FSD1L: variants seen among roughly 807,000 people sequenced by gnomAD.
FSD1L encodes the protein fibronectin type III and SPRY domain containing 1 like.
A neutral mutation model predicts 71.6 loss-of-function variants in FSD1L; 45 were observed. The observed-to-expected ratio is 0.63, with a 90% CI of 0.49 to 0.81. The LOEUF (loss-of-function observed/expected upper bound fraction) is 0.81. Ranked by LOEUF, FSD1L falls within the 30% of genes least tolerant of loss-of-function variation. FSD1L has a pLI of 0.00. For synonymous variants in FSD1L, 197 were observed against 207.2 expected, an observed-to-expected ratio of 0.95 and a Z score of 0.42; for missense variants, 561 against 618.1, an observed-to-expected ratio of 0.91 and a Z score of 0.98.
upstream of FSD1L, among the ~76,000 whole-genome samples, chr9:105,445,808 C>G (rs1028535808): frequency 1.3e-5 from 2 of 152,152 alleles, no homozygotes; most frequent in Admixed American, 6.5e-5. Context: ...TGTTATTCCT[C>G]ACGGAGTTGG....
intron 5 of FSD1L, chr9:105,472,529 A>G (rs1409183638): frequency 6.6e-6 from 1 of 152,216 alleles, no homozygotes; most frequent in East Asian, 1.9e-4. Flanking sequence ...ATTTTGTCAA[A>G]TCAAAACTCA....
chr9:105,471,720 C>T (rs929602849), intron 4 of FSD1L, among the ~76,000 whole-genome samples, 184 bp from the exon 5 acceptor site: 5 of 105,740 alleles, frequency 4.7e-5, no homozygotes, highest in African/African-American at 2.0e-4. Flanking sequence ...AAAAATAACA[C>T]GTTTTATATA....
At chr9:105,523,735 A>G in intron 10 of FSD1L, 5 of 1,595,564 alleles carry the variant, frequency 3.1e-6, no homozygotes, top group Non-Finnish European at 4.3e-6. Context: ...AGAAGACAAG[A>G]TGTTTCTCCA....
At chr9:105,499,292 AAT>A (rs1209435021) in intron 7 of FSD1L, among the ~76,000 whole-genome samples, 2 of 152,248 alleles carry the variant, frequency 1.3e-5, no homozygotes, top group African/African-American at 4.8e-5. Context: ...CATTCAAATA[AAT>A]AGTTGCCCTT....
At chr9:105,493,848 TAG>T (rs1833142277) in intron 7 of FSD1L, among the ~76,000 whole-genome samples, 3 of 152,362 alleles carry the variant, frequency 2.0e-5, no homozygotes, top group African/African-American at 4.8e-5. Context: ...TTCTGGTTTG[TAG>T]AGTTTCTGCC....
chr9:105,469,906 G>A (rs1024609201), intron 4 of FSD1L, among the ~76,000 whole-genome samples: 11 of 152,136 alleles, frequency 7.2e-5, no homozygotes, highest in Non-Finnish European at 1.0e-4. Flanking sequence ...TTATGTTTAG[G>A]TCTTTAATCC....
chr9:105,519,474 T>G (rs1420981632), intron 10 of FSD1L, among the ~76,000 whole-genome samples: 1 of 152,150 alleles, frequency 6.6e-6, no homozygotes, highest in African/African-American at 2.4e-5. Flanking sequence ...GCTTCATCCT[T>G]AGGATGCAAG....
At chr9:105,467,954 A>G (rs1157826069) in intron 3 of FSD1L, among the ~76,000 whole-genome samples, 1 of 152,250 alleles carries the variant, frequency 6.6e-6, no homozygotes, top group African/African-American at 2.4e-5. Context: ...AGTATGGGCT[A>G]GTCCATAAAA....
Position 105,539,320 on chromosome 9 carries a change from A to T in FSD1L, c.1436A>T (p.Lys479Ile). 6.7e-7 allele frequency: 1 copy of T among 1,501,864 alleles called. No individual in the cohort carries two copies. Among genetic ancestry groups the T allele is most frequent in the Non-Finnish European group, 9.0e-7 (1 of 1,112,982 alleles). 93.0% of individuals were successfully genotyped at this position (1,501,864 alleles called of 1,614,324 possible). A position where few individuals can be genotyped will look rare whatever the true frequency, so the allele number is the denominator to read the frequency against. Residue 479 changes from lysine to isoleucine, a missense_variant, in exon 13 of 14, where the codon AAA becomes ATA. By Grantham distance (102) the Lys-to-Ile change is moderately radical. This residue lies in a region of FSD1L where 98 missense variants were observed against 102.3 expected (regional missense o/e 0.96). Transcript: ENST00000481272. ...CAGTTGCTATATTCCTTTAAGACAA[A>T]ATTTACTCAGCCAGTACTACCTGGT... ...SKQLLYSFKT[K>I]FTQPVLPGFM...
At chr9:105,466,522 A>G (rs1831084390) in intron 3 of FSD1L, among the ~76,000 whole-genome samples, 2 of 152,008 alleles carry the variant, frequency 1.3e-5, no homozygotes, top group African/African-American at 4.8e-5. Flanking sequence ...GTGAAACCCC[A>G]TCTCTACTAA....
rs550576039 is a variant in FSD1L, at chr9:105,523,995, T to C, written c.1026-10498T>C. 35 of 1,596,774 alleles carry C rather than the reference T, an allele frequency of 2.2e-5. No homozygotes were observed. The African/African-American group carries it at 2.4e-4, about 11-fold the overall frequency. ...ATCTTTGGTTTGCTTTCCCAACTTA[T>C]ATTGTGAACTGCCTTCTCTTCATCC... is the stretch of plus-strand genomic sequence containing the variant. On this transcript the variant is annotated intron_variant, in intron 10 of 13. Transcript: ENST00000481272.
At chr9:105,461,399 A>C in intron 1 of FSD1L, 121 bp from the exon 2 acceptor site, 1 of 458,812 alleles carries the variant, frequency 2.2e-6, no homozygotes, top group Non-Finnish European at 3.8e-6. Context: ...TATTGACTAC[A>C]TGTTGAAATG....
At chr9:105,442,468 C>G in the FSD1L span, among the ~76,000 whole-genome samples, 1 of 151,210 alleles carries the variant, frequency 6.6e-6, no homozygotes, top group African/African-American at 2.4e-5. Context: ...TGCTTGAGCT[C>G]AAGAGTTTCA....
intron 7 of FSD1L, among the ~76,000 whole-genome samples, chr9:105,494,289 G>A (rs1833186227): frequency 6.6e-6 from 1 of 151,928 alleles, no homozygotes; most frequent in African/African-American, 2.4e-5. Flanking sequence ...CCAGTTGATT[G>A]CATCGGCTCC....
intron 10 of FSD1L, among the ~76,000 whole-genome samples, chr9:105,529,579 G>A (rs903399912): frequency 5.9e-5 from 9 of 151,872 alleles, no homozygotes; most frequent in East Asian, 5.8e-4. Context: ...CAATGAGAAC[G>A]CGTGGACACA....
chr9:105,509,838 T>C (rs116028633), intron 9 of FSD1L, among the ~76,000 whole-genome samples: 1,803 of 152,268 alleles, frequency 0.012, 53 homozygotes, highest in African/African-American at 0.042. Context: ...AACTGAGATG[T>C]TATTGTGGTT....
chr9:105,497,640 A>C (rs143979145), intron 7 of FSD1L, among the ~76,000 whole-genome samples: 8 of 152,192 alleles, frequency 5.3e-5, no homozygotes, highest in South Asian at 2.1e-4. Flanking sequence ...ATTTGTGGAC[A>C]TAGAGTTATT....
At chr9:105,505,283 C>T (rs771061882) in intron 7 of FSD1L, among the ~76,000 whole-genome samples, 19 of 152,254 alleles carry the variant, frequency 1.2e-4, no homozygotes, top group Admixed American at 4.6e-4. Flanking sequence ...CTTTTTGAGA[C>T]GGAGTCTCGC....
intron 6 of FSD1L, among the ~76,000 whole-genome samples, chr9:105,483,825 G>C (rs1022835794): frequency 6.6e-6 from 1 of 152,088 alleles, no homozygotes. Flanking sequence ...TTCATTGATA[G>C]TGATTTCACT....
Sources: allele counts gnomAD v4.1 joint callset (sites outside exome capture counted in the v4.1 genomes callset), GRCh38; gene constraint gnomAD v4.1.1; regional missense constraint gnomAD v4.1.1; transcripts MANE v1.5; gene names NCBI Gene and HGNC (gene_info 2026-07-23, HGNC 2026-07-21).